Variants in PSD3 observed in about 807,000 individuals in gnomAD.
PSD3 encodes the protein pleckstrin and Sec7 domain containing 3.
PSD3 carries 49 observed loss-of-function variants against 105.5 expected under a neutral mutation model. That is an observed-to-expected ratio of 0.46 (90% CI 0.37 to 0.59). The LOEUF is 0.59. Ranked by LOEUF, PSD3 falls within the 20% of genes least tolerant of loss-of-function variation. The probability of loss-of-function intolerance (pLI) is 0.00; values close to 1 mark genes in which losing one functional copy is unlikely to be tolerated. For missense variants in PSD3, 1,561 were observed against 1,263.8 expected (o/e 1.24, Z -3.57); for synonymous variants, 557 against 457.8 (o/e 1.22, Z -2.77).
intron 9 of PSD3, among the ~76,000 whole-genome samples, chr8:18,750,950 C>T (rs1805432882): frequency 6.6e-6 from 1 of 152,118 alleles, no homozygotes. Flanking sequence ...CTCCACCTCC[C>T]CACCAGACTC....
intron 2 of PSD3, among the ~76,000 whole-genome samples, chr8:18,884,452 G>A (rs1250283005): frequency 6.6e-6 from 1 of 152,122 alleles, no homozygotes; most frequent in African/African-American, 2.4e-5. Flanking sequence ...TATGAGTAAT[G>A]AGAATTACTA....
At chr8:18,687,536 CCCT>C (rs1800727657) in intron 9 of PSD3, among the ~76,000 whole-genome samples, 1 of 151,774 alleles carries the variant, frequency 6.6e-6, no homozygotes, top group Non-Finnish European at 1.5e-5. Context: ...ATGATTTCCC[CCCT>C]AACTATACAA....
intron 1 of PSD3, among the ~76,000 whole-genome samples, chr8:19,069,909 G>T (rs981729820): frequency 3.3e-5 from 5 of 151,632 alleles, no homozygotes; most frequent in Non-Finnish European, 7.4e-5. Flanking sequence ...AAATCTGGCA[G>T]TTCTGCACAA....
rs1031234130 is a variant in PSD3 at position 18,908,782 on chromosome 8, T to C, written c.130+27252A>G. Among the ~76,000 whole-genome samples, 4 of 152,222 alleles carry C rather than the reference T, an allele frequency of 2.6e-5. 1 individual carries two copies. Among genetic ancestry groups the C allele is most frequent in the African/African-American group, 7.2e-5 (3 of 41,460 alleles). The stretch of plus-strand genomic sequence containing the variant: ...TCATTATCTCCTTATAAGCAATGAC[T>C]AGCAATATTGGGTACACAGCAAATA... On this transcript the variant is annotated intron_variant, in intron 2 of 15. Transcript: ENST00000327040.
intron 1 of PSD3, among the ~76,000 whole-genome samples, chr8:19,009,318 C>T (rs897011066): frequency 2.6e-5 from 4 of 152,218 alleles, no homozygotes; most frequent in Non-Finnish European, 4.4e-5. Flanking sequence ...GTTTCTGCAA[C>T]ACGCAATGCT....
chr8:18,920,739 G>A (rs1366642152), intron 2 of PSD3, among the ~76,000 whole-genome samples: 3 of 152,058 alleles, frequency 2.0e-5, no homozygotes, highest in East Asian at 3.9e-4. Context: ...TTCCTGGTGT[G>A]GTACTATCCC....
At chr8:18,919,850 T>A in intron 2 of PSD3, among the ~76,000 whole-genome samples, 1 of 57,690 alleles carries the variant, frequency 1.7e-5, no homozygotes, top group African/African-American at 7.2e-5. Flanking sequence ...GGGACTGTGG[T>A]GGGGTGGGGG....
At chr8:18,536,011 G>T in intron 15 of PSD3, 53 bp from the exon 16 acceptor site, 4 of 1,523,600 alleles carry the variant, frequency 2.6e-6, no homozygotes, top group African/African-American at 1.4e-5. Context: ...CAAAATGCAC[G>T]TGTGCAGCAC....
At chr8:19,074,867 G>C (rs1829413955) in intron 1 of PSD3, among the ~76,000 whole-genome samples, 1 of 151,420 alleles carries the variant, frequency 6.6e-6, no homozygotes, top group South Asian at 2.1e-4. Context: ...TGATCCGCCT[G>C]CCTCGGCCTC....
At chr8:18,594,221 T>C (rs867967611) in intron 12 of PSD3, among the ~76,000 whole-genome samples, 2 of 3,032 alleles carry the variant, frequency 6.6e-4, no homozygotes, top group Admixed American at 6.8e-3. Flanking sequence ...TATTATTATA[T>C]ATATTATATA....
chr8:18,916,316 A>G (rs1226782197), intron 2 of PSD3, among the ~76,000 whole-genome samples: 1 of 33,186 alleles, frequency 3.0e-5, no homozygotes, highest in East Asian at 4.7e-4. Flanking sequence ...ATATATATAT[A>G]TATATATATA....
intron 1 of PSD3, among the ~76,000 whole-genome samples, chr8:19,004,110 TAAAAAGATC>T (rs1329329144): frequency 6.6e-6 from 1 of 151,986 alleles, no homozygotes; most frequent in African/African-American, 2.4e-5. Flanking sequence ...TTACAGTATC[TAAAAAGATC>T]AAGAAGGGTC....
chr8:18,784,914 A>G (rs538116848), intron 8 of PSD3, among the ~76,000 whole-genome samples: 2 of 152,090 alleles, frequency 1.3e-5, no homozygotes, highest in African/African-American at 4.8e-5. Context: ...CTAAACCTTC[A>G]CCCTATTCTT....
rs757028256 is a variant in PSD3, at chr8:18,871,861, T to G, written c.1003A>C (p.Lys335Gln). The change falls in exon 3 of 16, where the codon AAA (lysine) becomes CAA (glutamine). Residue 335 changes from lysine to glutamine, a missense_variant. Transcript: ENST00000327040. ...TGGCGTGGCACTTTGGAAGACTCTT[T>G]GCTGTCAGGAGAGGCTGTTCTTTGC... ...SLQRTASPDS[K>Q]ESSKVPRHLI... is the part of the protein sequence containing the mutation. 4 of 1,614,224 alleles carry G rather than the reference T, an allele frequency of 2.5e-6. No individual in the cohort carries two copies. The highest frequency in any genetic ancestry group is 1.6e-4 in the Middle Eastern group (1 of 6,062).
At chr8:18,680,048 C>T (rs1800293039) in intron 9 of PSD3, among the ~76,000 whole-genome samples, 1 of 152,162 alleles carries the variant, frequency 6.6e-6, no homozygotes, top group African/African-American at 2.4e-5. Flanking sequence ...TAAACGGTAT[C>T]ACGTAGTTTG....
chr8:18,916,257 C>T (rs946237225), intron 2 of PSD3, among the ~76,000 whole-genome samples: 1 of 136,930 alleles, frequency 7.3e-6, no homozygotes, highest in African/African-American at 2.7e-5. Context: ...ATGAAATTGA[C>T]CTCAGTGTCT....
At chr8:18,928,527 A>G (rs139565517) in intron 2 of PSD3, among the ~76,000 whole-genome samples, 6 of 152,316 alleles carry the variant, frequency 3.9e-5, no homozygotes, top group Non-Finnish European at 5.9e-5. Context: ...TTCCACACAA[A>G]AAAGTAGTGG....
intron 1 of PSD3, among the ~76,000 whole-genome samples, chr8:18,969,122 T>C (rs996911144): frequency 6.6e-6 from 1 of 152,210 alleles, no homozygotes; most frequent in African/African-American, 2.4e-5. Flanking sequence ...ATTAACTTAA[T>C]AAACATTTCT....
At chr8:18,708,640 C>G (rs1487944214) in intron 9 of PSD3, among the ~76,000 whole-genome samples, 6 of 152,030 alleles carry the variant, frequency 3.9e-5, no homozygotes, top group Admixed American at 6.6e-5. Context: ...GCATAATACC[C>G]TCTATTTTCT....
Sources: gnomAD v4.1 joint callset for allele counts (sites outside exome capture counted in the v4.1 genomes callset) on GRCh38, gnomAD v4.1.1 for gene constraint, MANE v1.5 for transcripts, NCBI Gene and HGNC (gene_info 2026-07-23, HGNC 2026-07-21) for gene names.